DLGAP5: variants seen among roughly 807,000 people sequenced by gnomAD.
DLGAP5 encodes the protein DLG associated protein 5, also known as disks large-associated protein 5.
In DLGAP5, 90 loss-of-function variants were observed where a neutral mutation model predicts 99.6. The observed-to-expected ratio is 0.90, with a 90% CI of 0.76 to 1.08. The LOEUF is 1.08. DLGAP5 is among the 50% of genes least tolerant of loss of function. The pLI is 0.00. For missense variants in DLGAP5, 1,036 were observed against 983.5 expected, an observed-to-expected ratio of 1.05 and a Z score of -0.71; for synonymous variants, 311 against 321.3, an observed-to-expected ratio of 0.97 and a Z score of 0.34.
intron 12 of DLGAP5, among the ~76,000 whole-genome samples, chr14:55,167,797 T>C (rs1882696051): frequency 6.6e-6 from 1 of 152,212 alleles, no homozygotes; most frequent in Admixed American, 6.5e-5. Flanking sequence ...TAGTTCATAA[T>C]ATTGCTGTTG....
intron 8 of DLGAP5, 57 bp downstream of exon 8, chr14:55,176,999 AAAAAAG>A: frequency 2.8e-6 from 3 of 1,071,692 alleles, no homozygotes; most frequent in Non-Finnish European, 3.6e-6. Flanking sequence ...AAAAAAAAAA[AAAAAAG>A]AAAGGCATTT....
In DLGAP5 at chr14:55,166,791, T is replaced by C. The variant is rs184330453; in HGVS notation, c.1548+2608A>G. Among the ~76,000 whole-genome samples the C allele has an allele frequency of 2.0e-5, 3 of 149,018 alleles. No individual in the cohort carries two copies. In the East Asian group the frequency reaches 5.8e-4, roughly 29 times the overall value. ...TTGTGGTGATGGTTGCATAACTCTGTAAATTTACTAAAAATGATTGAACTG... is the reference window on the plus strand; with the variant it reads ...TTGTGGTGATGGTTGCATAACTCTGCAAATTTACTAAAAATGATTGAACTG... On this transcript the variant is annotated intron_variant, in intron 12 of 18. Transcript: ENST00000247191.
intron 3 of DLGAP5, among the ~76,000 whole-genome samples, chr14:55,183,189 A>G (rs768543534): frequency 6.6e-6 from 1 of 152,200 alleles, no homozygotes; most frequent in Non-Finnish European, 1.5e-5. Context: ...CTCCCTATCT[A>G]TAAATGCTTC....
intron 10 of DLGAP5, 57 bp downstream of exon 10, chr14:55,175,284 TTTTGG>T: frequency 6.6e-7 from 1 of 1,509,938 alleles, no homozygotes; most frequent in Non-Finnish European, 9.0e-7. Context: ...AAATTTTTAG[TTTTGG>T]TTTTAAATGT....
At chr14:55,183,892 C>A (rs1389227636) in intron 2 of DLGAP5, 139 bp from the exon 3 acceptor site, 2 of 831,222 alleles carry the variant, frequency 2.4e-6, no homozygotes, top group Non-Finnish European at 3.5e-6. Context: ...GTGGCTCACG[C>A]CTGTAATCCC....
chr14:55,185,239 G>A (rs11844443), intron 2 of DLGAP5, among the ~76,000 whole-genome samples: 26,382 of 152,054 alleles, frequency 0.17, 3,451 homozygotes, highest in African/African-American at 0.37. Flanking sequence ...TCGCACTGTC[G>A]CCTTGGCTGG....
chr14:55,187,627 CT>C (rs58942962), intron 2 of DLGAP5, among the ~76,000 whole-genome samples: 139,087 of 145,404 alleles, frequency 0.96, 66,499 homozygotes, highest in East Asian at 0.99. Context: ...TGATCCTTTT[CT>C]TTTTTTTTTT....
At chr14:55,179,542 G>T in intron 7 of DLGAP5, 87 bp downstream of exon 7, 1 of 1,120,070 alleles carries the variant, frequency 8.9e-7, no homozygotes, top group Non-Finnish European at 1.3e-6. Context: ...ACCTTTTGAA[G>T]CAGTTCTTTA....
At chr14:55,169,261 T>C (rs560628347) in intron 12 of DLGAP5, 138 bp downstream of exon 12, 3 of 469,158 alleles carry the variant, frequency 6.4e-6, no homozygotes, top group African/African-American at 6.1e-5. Context: ...GTTTTACAGT[T>C]TATCAAAGTG....
chr14:55,169,364 C>G, intron 12 of DLGAP5, 35 bp downstream of exon 12: 1 of 1,338,896 alleles, frequency 7.5e-7, no homozygotes, highest in Non-Finnish European at 9.8e-7. Flanking sequence ...AAAAAAAGCC[C>G]TAAGTTAATA....
chr14:55,174,540 C>A (rs1226928250), intron 10 of DLGAP5, among the ~76,000 whole-genome samples: 1 of 152,128 alleles, frequency 6.6e-6, no homozygotes, highest in Non-Finnish European at 1.5e-5. Context: ...CATCACGGAA[C>A]CTACCGACAT....
intron 15 of DLGAP5, among the ~76,000 whole-genome samples, chr14:55,153,088 C>A (rs1236603236): frequency 6.6e-6 from 1 of 151,738 alleles, no homozygotes; most frequent in East Asian, 1.9e-4. Flanking sequence ...CATACTATTT[C>A]TATAATTTTA....
Position 55,181,283 on chromosome 14 carries a change from A to G in DLGAP5, c.510T>C (p.Ser170=). The stretch of plus-strand genomic sequence containing the variant: ...GACCAGGTCGGATTGCTCGAACATC[A>G]CTCTCGTTATCAATCTATTTAAGAG... The part of the protein sequence containing the change: ...QMEQTKIDNE[S]DVRAIRPGPR... Residue 170 remains serine (S), a synonymous_variant, in exon 5 of 19, where the codon AGT becomes AGC. Transcript: ENST00000247191. The G allele has an allele frequency of 6.2e-7, 1 of 1,613,688 alleles. No homozygotes were observed. The highest frequency in any genetic ancestry group is 8.5e-7 in the Non-Finnish European group (1 of 1,179,860).
intron 2 of DLGAP5, 78 bp from the exon 3 acceptor site, chr14:55,183,831 A>C (rs966735091): frequency 9.6e-6 from 13 of 1,350,444 alleles, no homozygotes; most frequent in Non-Finnish European, 1.3e-5. Flanking sequence ...ATAAACAATT[A>C]TTTTTGTGTC....
At chr14:55,181,733 A>G (rs1182597302) in intron 4 of DLGAP5, among the ~76,000 whole-genome samples, 2 of 152,144 alleles carry the variant, frequency 1.3e-5, no homozygotes, top group Non-Finnish European at 2.9e-5. Context: ...TAACTGCCCA[A>G]TCAAAATTCT....
rs144439184 is a variant in DLGAP5 at position 55,151,893 on chromosome 14, T to C, written c.2170A>G (p.Met724Val). 33 of 1,613,998 alleles carry C rather than the reference T, an allele frequency of 2.0e-5. No homozygotes were observed. The African/African-American group carries it at 4.4e-4, about 22-fold the overall frequency. ...LKVDCLSSER[M>V]SLPLLAGGVA... ...CCACCAGCAAGAAGAGGCAAACTCA[T>C]TCTCTCACTGGATAAACAATCCACC... The change falls in exon 17 of 19, where the codon ATG becomes GTG. Residue 724 changes from methionine (M) to valine (V), a missense_variant. Coordinates refer to ENST00000247191, the MANE Select transcript of DLGAP5 (RefSeq NM_014750.5).
intron 1 of DLGAP5, among the ~76,000 whole-genome samples, chr14:55,190,691 G>A (rs1883583494): frequency 6.6e-6 from 1 of 152,154 alleles, no homozygotes; most frequent in South Asian, 2.1e-4. Context: ...ATGATTCTAA[G>A]CAATCAACAA....
chr14:55,157,807 G>C (rs1331332587), intron 14 of DLGAP5, among the ~76,000 whole-genome samples: 1 of 152,162 alleles, frequency 6.6e-6, no homozygotes, highest in Admixed American at 6.5e-5. Context: ...CTGTCACTCA[G>C]GCTAGAGTGC....
At chr14:55,168,242 T>C (rs1566500211) in intron 12 of DLGAP5, among the ~76,000 whole-genome samples, 1 of 152,200 alleles carries the variant, frequency 6.6e-6, no homozygotes, top group Non-Finnish European at 1.5e-5. Context: ...CTTGAGCCAC[T>C]GTGCCTGGCT....
Sources: allele counts gnomAD v4.1 joint callset (sites outside exome capture counted in the v4.1 genomes callset), GRCh38; gene constraint gnomAD v4.1.1; transcripts MANE v1.5; gene names NCBI Gene and HGNC (gene_info 2026-07-23, HGNC 2026-07-21).